The following PKHD1L1 variants were observed in gnomAD, a reference collection of about 807,000 sequenced individuals.
The protein encoded by PKHD1L1 is fibrocystin-L.
PKHD1L1 carries 434 observed loss-of-function variants against 462.9 expected under a neutral mutation model. That is an observed-to-expected ratio of 0.94 (90% CI 0.87 to 1.02). PKHD1L1 has a LOEUF of 1.02. PKHD1L1 is among the 50% of genes least tolerant of loss of function. The probability of loss-of-function intolerance (pLI) is 0.00; values close to 1 mark genes in which losing one functional copy is unlikely to be tolerated. For synonymous variants in PKHD1L1, 1,781 were observed against 1,750.0 expected, an observed-to-expected ratio of 1.02 and a Z score of -0.44; for missense variants, 5,202 against 5,096.1, an observed-to-expected ratio of 1.02 and a Z score of -0.63.
chr8:109,502,982 TC>T (rs1819503335), intron 67 of PKHD1L1, among the ~76,000 whole-genome samples: 2 of 152,150 alleles, frequency 1.3e-5, no homozygotes. Flanking sequence ...GTGAGGGAAC[TC>T]TCAAGTGGCT....
intron 53 of PKHD1L1, 144 bp downstream of exon 53, chr8:109,477,540 T>A (rs985527356): frequency 4.0e-6 from 3 of 759,232 alleles, no homozygotes; most frequent in Admixed American, 8.1e-5. Context: ...ACTGCTTTGC[T>A]TGAGCCTTAC....
At position 109,401,251 on chromosome 8, in the gene PKHD1L1, G is replaced by A. The variant is rs185341457; in HGVS notation, c.1282-246G>A. Among the ~76,000 whole-genome samples the A allele has an allele frequency of 2.6e-4, 40 of 152,112 alleles. No individual in the cohort carries two copies. The East Asian group carries it at 4.0e-3, about 15-fold the overall frequency. The stretch of plus-strand genomic sequence containing the variant: ...TAATTATGGAAAAGCTATGATCTGC[G>A]TAGTATACTTAGTACAGTAGTGTTG... On this transcript the variant is annotated intron_variant, in intron 13 of 77. Transcript: ENST00000378402.
chr8:109,532,600 C>T lies in PKHD1L1; in HGVS notation c.*2510C>T, dbSNP rs1821066512. On this transcript the variant is annotated 3_prime_UTR_variant, in exon 78 of 78. Coordinates refer to ENST00000378402, the MANE Select transcript of PKHD1L1 (RefSeq NM_177531.6). ...CCTTTGATGTGTGAATATTCTTCTA[C>T]CTAAGACCTGAAATGTTGGCGAAGT... is the stretch of plus-strand genomic sequence containing the variant. Among the ~76,000 whole-genome samples the T allele has an allele frequency of 1.3e-5, 2 of 152,148 alleles. No homozygotes were observed. The highest frequency in any genetic ancestry group is 2.9e-5 in the Non-Finnish European group (2 of 68,010).
At chr8:109,491,142 G>C (rs1818803802) in intron 61 of PKHD1L1, 41 bp downstream of exon 61, 1 of 1,571,746 alleles carries the variant, frequency 6.4e-7, no homozygotes, top group South Asian at 1.1e-5. Flanking sequence ...ACATCCTGTG[G>C]AGGCTTTCTT....
intron 59 of PKHD1L1, among the ~76,000 whole-genome samples, chr8:109,487,376 A>G (rs1203230503): frequency 1.3e-5 from 2 of 151,902 alleles, no homozygotes; most frequent in Non-Finnish European, 2.9e-5. Flanking sequence ...TAAAAATGTT[A>G]ATTTCTTAAT....
intron 71 of PKHD1L1, 122 bp from the exon 72 acceptor site, chr8:109,515,048 C>A: frequency 3.9e-6 from 3 of 773,374 alleles, no homozygotes; most frequent in Non-Finnish European, 5.7e-6. Context: ...TCCCTTATCC[C>A]AAATCCATAA....
chr8:109,438,677 G>A (rs1485624252), intron 31 of PKHD1L1, among the ~76,000 whole-genome samples: 6 of 151,626 alleles, frequency 4.0e-5, no homozygotes, highest in African/African-American at 1.5e-4. Flanking sequence ...TTTAAAAAAG[G>A]ACTTTGTCAT....
rs1398112969 is a variant in PKHD1L1 at position 109,438,231 on chromosome 8, A to C, written c.3628-93A>C. On this transcript the variant is annotated intron_variant, in intron 30 of 77. Transcript: ENST00000378402. ...CTTGACTTTGAAGTAAAACATCTTC[A>C]GAAGTTTATTCTGAATAATCTATTT... The C allele has an allele frequency of 6.2e-6, 6 of 964,666 alleles. No individual in the cohort carries two copies. In the East Asian group the frequency reaches 1.2e-4, roughly 19 times the overall value. 59.8% of individuals were successfully genotyped at this position (964,666 alleles called of 1,614,324 possible). A position where few individuals can be genotyped will look rare whatever the true frequency, so the allele number is the denominator to read the frequency against.
chr8:109,404,418 T>G (rs1813421821), intron 14 of PKHD1L1, 136 bp from the exon 15 acceptor site: 4 of 495,858 alleles, frequency 8.1e-6, no homozygotes, highest in Non-Finnish European at 1.3e-5. Context: ...TTTGAATATT[T>G]AAAATATGAG....
chr8:109,455,857 T>C (rs903828582), intron 45 of PKHD1L1, among the ~76,000 whole-genome samples: 7 of 152,142 alleles, frequency 4.6e-5, no homozygotes, highest in Non-Finnish European at 1.0e-4. Flanking sequence ...AATATATATA[T>C]ACTATGTAAT....
intron 21 of PKHD1L1, among the ~76,000 whole-genome samples, chr8:109,414,525 C>T (rs546202978): frequency 2.0e-5 from 3 of 151,790 alleles, no homozygotes; most frequent in African/African-American, 4.8e-5. Flanking sequence ...AGCTACATCA[C>T]AATTTTTATT....
At position 109,464,724 on chromosome 8, in the gene PKHD1L1, T is replaced by A. The variant is rs201002812; in HGVS notation, c.7892T>A (p.Phe2631Tyr). Reference sequence around the variant, plus strand: ...GGAATGTGGATCTTTGAGGAATATTTCCCCATGCAAACGGGATCTTGTACA... The same window carrying A: ...GGAATGTGGATCTTTGAGGAATATTACCCCATGCAAACGGGATCTTGTACA... ...WFGMWIFEEY[F>Y]PMQTGSCTST... The change falls in exon 49 of 78, where the codon TTC becomes TAC. Residue 2631 changes from phenylalanine (F) to tyrosine (Y), a missense_variant. Phe to Tyr is a conservative substitution (Grantham distance 22, BLOSUM62 3). Around this residue, in one of 3 missense-constraint regions of PKHD1L1, gnomAD observed 4,497 missense variants for 4,336.8 expected, o/e 1.04. Transcript: ENST00000378402. 2.4e-4 allele frequency: 385 copies of A among 1,613,684 alleles called. No homozygotes were observed. The highest frequency in any genetic ancestry group is 2.9e-4 in the Non-Finnish European group (345 of 1,179,822).
Position 109,409,741 on chromosome 8 carries a change from A to G in PKHD1L1, c.1972-124A>G, listed in dbSNP as rs951946173. 4 of 498,638 alleles carry G rather than the reference A, an allele frequency of 8.0e-6. No individual in the cohort carries two copies. The Admixed American group carries it at 1.7e-4, about 21-fold the overall frequency. The allele number at this position is 498,638 out of a possible 1,614,324, so 30.9% of individuals were successfully genotyped here. A position where few individuals can be genotyped will look rare whatever the true frequency, so the allele number is the denominator to read the frequency against. Reference sequence around the variant, plus strand: ...TTATTTAGAAAATTAACTCATAATCATGACTAAAATATGGGAATTATGAAA... The same window carrying G: ...TTATTTAGAAAATTAACTCATAATCGTGACTAAAATATGGGAATTATGAAA... On this transcript the variant is annotated intron_variant, in intron 18 of 77. Coordinates refer to ENST00000378402, the MANE Select transcript of PKHD1L1 (RefSeq NM_177531.6).
chr8:109,476,567 T>C lies in PKHD1L1; in HGVS notation c.8817T>C (p.Ile2939=). The C allele has an allele frequency of 4.5e-6, 7 of 1,554,452 alleles. No homozygotes were observed. Among genetic ancestry groups the C allele is most frequent in the Non-Finnish European group, 6.1e-6 (7 of 1,138,882 alleles). The change falls in exon 52 of 78, where the codon ATT becomes ATC. Residue 2939 remains isoleucine (I), a synonymous_variant. Coordinates refer to ENST00000378402, the MANE Select transcript of PKHD1L1 (RefSeq NM_177531.6). ...CTCAAAATCCTGACATGTTTAATAT[T>C]ATTGATATGAGGAATGGTTCCTCAA... ...NFTQNPDMFN[I]IDMRNGSSNP...
At chr8:109,440,258 A>G (rs1333735149) in intron 32 of PKHD1L1, among the ~76,000 whole-genome samples, 1 of 152,162 alleles carries the variant, frequency 6.6e-6, no homozygotes, top group Admixed American at 6.5e-5. Flanking sequence ...GACCCTGACA[A>G]GTTTTCAACA....
At position 109,465,103 on chromosome 8, in the gene PKHD1L1, A is replaced by G; in HGVS notation, c.8271A>G (p.Thr2757=). ...DRPNCVALGV[T]SISGVCNDRC... is the part of the protein sequence containing the mutation. ...CCAACTGTGTAGCTTTGGGAGTGAC[A>G]TCCATCTCTGGAGTTTGTAATGACA... Residue 2757 remains threonine (T), a synonymous_variant, in exon 49 of 78, where the codon ACA becomes ACG. Coordinates refer to ENST00000378402, the MANE Select transcript of PKHD1L1 (RefSeq NM_177531.6). The G allele has an allele frequency of 2.5e-6, 4 of 1,613,814 alleles. No homozygotes were observed. Among genetic ancestry groups the G allele is most frequent in the Admixed American group, 1.7e-5 (1 of 59,994 alleles).
chr8:109,367,701 G>A (rs1354284163), intron 2 of PKHD1L1, among the ~76,000 whole-genome samples: 1 of 152,114 alleles, frequency 6.6e-6, no homozygotes, highest in African/African-American at 2.4e-5. Context: ...TGGGCAACCA[G>A]CCTGGGCAAT....
At position 109,385,508 on chromosome 8, in the gene PKHD1L1, AT is replaced by A. The variant is rs775436331; in HGVS notation, c.476-28del. 14 of 1,439,584 alleles carry A rather than the reference AT, an allele frequency of 9.7e-6. No homozygotes were observed. The South Asian group carries it at 1.4e-4, about 14-fold the overall frequency. 89.2% of individuals were successfully genotyped at this position (1,439,584 alleles called of 1,614,324 possible). A position where few individuals can be genotyped will look rare whatever the true frequency, so the allele number is the denominator to read the frequency against. On this transcript the variant is annotated intron_variant, in intron 5 of 77. Transcript: ENST00000378402. ...GTATGGATAGATTTTCTTACACAGA[AT>A]CTTTTTGGGGTTTTTGTTTGTTTTC...
At chr8:109,412,995 A>G (rs1813939083) in intron 20 of PKHD1L1, among the ~76,000 whole-genome samples, 2 of 152,156 alleles carry the variant, frequency 1.3e-5, no homozygotes, top group Non-Finnish European at 2.9e-5. Flanking sequence ...ACTATTTTAC[A>G]GTGACATTCA....
Sources: gnomAD v4.1 joint callset for allele counts (sites outside exome capture counted in the v4.1 genomes callset) on GRCh38, gnomAD v4.1.1 for gene constraint, gnomAD v4.1.1 regional missense constraint, MANE v1.5 for transcripts, NCBI Gene and HGNC (gene_info 2026-07-23, HGNC 2026-07-21) for gene names.